PIGU: variants seen among roughly 807,000 people sequenced by gnomAD.
PIGU encodes the protein GPI-anchor transamidase component PIGU.
A neutral mutation model predicts 49.9 loss-of-function variants in PIGU; 24 were observed. The observed-to-expected ratio is 0.48, with a 90% CI of 0.35 to 0.68. PIGU has a LOEUF of 0.68. PIGU is among the 30% of genes least tolerant of loss of function. The probability of loss-of-function intolerance (pLI) is 0.01; values close to 1 mark genes in which losing one functional copy is unlikely to be tolerated. For synonymous variants in PIGU, 220 were observed against 205.7 expected, an observed-to-expected ratio of 1.07 and a Z score of -0.59; for missense variants, 490 against 532.6, an observed-to-expected ratio of 0.92 and a Z score of 0.79.
At chr20:34,596,443 A>G (rs1390800015) in intron 7 of PIGU, among the ~76,000 whole-genome samples, 1 of 152,206 alleles carries the variant, frequency 6.6e-6, no homozygotes, top group East Asian at 1.9e-4. Flanking sequence ...CTGCATAAAT[A>G]TCAATTTATT....
intron 2 of PIGU, among the ~76,000 whole-genome samples, chr20:34,651,846 G>A (rs909372533): frequency 6.6e-6 from 1 of 152,026 alleles, no homozygotes; most frequent in Non-Finnish European, 1.5e-5. Flanking sequence ...GCTCACACCT[G>A]CAATCACAAC....
At chr20:34,674,067 C>G (rs778794710) in intron 1 of PIGU, among the ~76,000 whole-genome samples, 1 of 143,866 alleles carries the variant, frequency 7.0e-6, no homozygotes, top group African/African-American at 2.6e-5. Context: ...ACAACAACAA[C>G]AAAAAAAGCT....
intron 6 of PIGU, among the ~76,000 whole-genome samples, chr20:34,625,959 T>A (rs985550590): frequency 4.8e-5 from 7 of 146,728 alleles, no homozygotes; most frequent in South Asian, 2.1e-4. Context: ...ATATATATAA[T>A]ATATATATAT....
chr20:34,565,708 G>GACAC (rs138862528), intron 11 of PIGU, among the ~76,000 whole-genome samples: 6,449 of 146,992 alleles, frequency 0.044, 150 homozygotes, highest in South Asian at 0.059. Context: ...CACCTCTCTG[G>GACAC]ACACACACAC....
chr20:34,613,284 G>C (rs1052639678), intron 7 of PIGU, among the ~76,000 whole-genome samples: 2 of 152,136 alleles, frequency 1.3e-5, no homozygotes, highest in Non-Finnish European at 2.9e-5. Context: ...TCTTCCTGGA[G>C]CACTCACCTG....
chr20:34,629,575 A>G (rs553876077), intron 6 of PIGU, among the ~76,000 whole-genome samples: 2 of 152,328 alleles, frequency 1.3e-5, no homozygotes, highest in East Asian at 1.9e-4. Context: ...GCCATGTCCA[A>G]CCTAGATCAG....
At chr20:34,628,193 A>G (rs995126656) in intron 6 of PIGU, among the ~76,000 whole-genome samples, 2 of 152,180 alleles carry the variant, frequency 1.3e-5, no homozygotes, top group African/African-American at 2.4e-5. Context: ...AATACATTCC[A>G]GAAATCTGAC....
At chr20:34,648,842 C>A (rs1986439380) in intron 2 of PIGU, among the ~76,000 whole-genome samples, 1 of 152,094 alleles carries the variant, frequency 6.6e-6, no homozygotes, top group Non-Finnish European at 1.5e-5. Context: ...AGCCACTGCA[C>A]CTGACCTAAG....
intron 8 of PIGU, among the ~76,000 whole-genome samples, chr20:34,586,362 G>A (rs1983699915): frequency 1.3e-5 from 2 of 151,998 alleles, no homozygotes; most frequent in African/African-American, 4.8e-5. Flanking sequence ...GCCTCTTGCT[G>A]TAACTATACC....
intron 11 of PIGU, among the ~76,000 whole-genome samples, chr20:34,574,523 C>T (rs562367792): frequency 6.6e-6 from 1 of 152,286 alleles, no homozygotes; most frequent in East Asian, 1.9e-4. Context: ...TGGTACTCCT[C>T]AGCCTGTGAC....
At chr20:34,574,833 T>C (rs935178941) in intron 11 of PIGU, among the ~76,000 whole-genome samples, 1 of 152,184 alleles carries the variant, frequency 6.6e-6, no homozygotes, top group Non-Finnish European at 1.5e-5. Context: ...CCCTCATTTG[T>C]AAAGTAGGGC....
chr20:34,594,956 G>C (rs545861790), intron 7 of PIGU, among the ~76,000 whole-genome samples: 1 of 151,830 alleles, frequency 6.6e-6, no homozygotes, highest in Non-Finnish European at 1.5e-5. Flanking sequence ...GCCGGGCATG[G>C]TGGGGGGCGC....
intron 11 of PIGU, chr20:34,562,336 T>G (rs1982558291): frequency 1.1e-6 from 1 of 884,246 alleles, no homozygotes; most frequent in South Asian, 5.2e-5. Context: ...ATGGGGAGAC[T>G]GAGGCACAGA....
chr20:34,577,311 A>G, intron 10 of PIGU, among the ~76,000 whole-genome samples: 1 of 152,204 alleles, frequency 6.6e-6, no homozygotes, highest in Non-Finnish European at 1.5e-5. Context: ...AGAAACTCCC[A>G]AACATTTAGG....
chr20:34,650,700 C>CTTGTTTTTTTTT (rs1986509881), intron 2 of PIGU, among the ~76,000 whole-genome samples: 1 of 38,778 alleles, frequency 2.6e-5, no homozygotes, highest in Non-Finnish European at 4.4e-5. Context: ...CTTTTTTTCT[C>CTTGTTTTTTTTT]TTTTTTTTTT....
intron 5 of PIGU, 132 bp from the exon 6 acceptor site, chr20:34,634,847 C>G (rs1319171772): frequency 7.1e-7 from 1 of 1,405,220 alleles, no homozygotes; most frequent in Non-Finnish European, 9.4e-7. Flanking sequence ...TGAGTTCCCC[C>G]AAATAAAAGA....
At chr20:34,597,772 G>T (rs947896927) in intron 7 of PIGU, among the ~76,000 whole-genome samples, 1 of 152,182 alleles carries the variant, frequency 6.6e-6, no homozygotes, top group Non-Finnish European at 1.5e-5. Context: ...TAGGTTATAG[G>T]TATATGAGTG....
chr20:34,588,777 G>A (rs1374949914), intron 7 of PIGU, among the ~76,000 whole-genome samples, 170 bp from the exon 8 acceptor site: 1 of 152,082 alleles, frequency 6.6e-6, no homozygotes, highest in Non-Finnish European at 1.5e-5. Context: ...AAGGTATTAC[G>A]GGTGCATCCT....
At chr20:34,609,106 C>G (rs1259438502) in intron 7 of PIGU, among the ~76,000 whole-genome samples, 1 of 151,868 alleles carries the variant, frequency 6.6e-6, no homozygotes, top group African/African-American at 2.4e-5. Flanking sequence ...AAAGTGAGAC[C>G]CTGTCTCTAA....
Sources: gnomAD v4.1 joint callset for allele counts (sites outside exome capture counted in the v4.1 genomes callset) on GRCh38, gnomAD v4.1.1 for gene constraint, MANE v1.5 for transcripts, NCBI Gene and HGNC (gene_info 2026-07-23, HGNC 2026-07-21) for gene names.